The following CCDC178 variants were observed in gnomAD, a reference collection of about 807,000 sequenced individuals.
CCDC178 encodes the protein coiled-coil domain-containing protein 178.
Under a neutral mutation model 117.4 loss-of-function variants are expected in CCDC178, and 126 were observed. That is an observed-to-expected ratio of 1.07 (90% CI 0.93 to 1.24). The LOEUF (loss-of-function observed/expected upper bound fraction) is 1.24, where lower values mean the gene tolerates loss of function less well. Ranked by LOEUF, CCDC178 falls within the 50% of genes most tolerant of loss-of-function variation. The pLI, the probability that CCDC178 is intolerant of heterozygous loss-of-function variation, is 0.00. For missense variants in CCDC178, 1,030 were observed against 986.9 expected, an observed-to-expected ratio of 1.04 and a Z score of -0.59; for synonymous variants, 283 against 313.4, an observed-to-expected ratio of 0.90 and a Z score of 1.02.
chr18:33,119,899 G>C (rs1216746341), intron 20 of CCDC178, among the ~76,000 whole-genome samples: 5 of 152,064 alleles, frequency 3.3e-5, no homozygotes, highest in Non-Finnish European at 7.4e-5. Context: ...CGTGGATGAA[G>C]CTGGAAACCA....
At chr18:32,973,445 A>G (rs566056890) in intron 22 of CCDC178, among the ~76,000 whole-genome samples, 48 of 152,206 alleles carry the variant, frequency 3.2e-4, no homozygotes, top group African/African-American at 1.1e-3. Flanking sequence ...TTTGTACTCA[A>G]GTTTGTACAT....
At chr18:33,112,454 A>C (rs976264478) in intron 20 of CCDC178, among the ~76,000 whole-genome samples, 1 of 151,966 alleles carries the variant, frequency 6.6e-6, no homozygotes, top group African/African-American at 2.4e-5. Context: ...AGCCATATTT[A>C]AAAGATTTCG....
At chr18:32,956,006 T>C (rs543806497) in intron 22 of CCDC178, among the ~76,000 whole-genome samples, 48 of 152,346 alleles carry the variant, frequency 3.2e-4, no homozygotes, top group African/African-American at 1.1e-3. Flanking sequence ...AAAAGGTCTT[T>C]AGAAAAATTT....
At chr18:33,385,536 T>C (rs775344027) in intron 5 of CCDC178, among the ~76,000 whole-genome samples, 1 of 152,048 alleles carries the variant, frequency 6.6e-6, no homozygotes, top group Non-Finnish European at 1.5e-5. Flanking sequence ...TACAATCAAA[T>C]TAGAACTCAA....
At chr18:33,030,554 T>C (rs1305731294) in intron 21 of CCDC178, among the ~76,000 whole-genome samples, 1 of 151,648 alleles carries the variant, frequency 6.6e-6, no homozygotes, top group African/African-American at 2.4e-5. Flanking sequence ...GATAGATAGA[T>C]AGATAGATAG....
At chr18:32,944,026 C>G (rs1315210816) in intron 22 of CCDC178, among the ~76,000 whole-genome samples, 1 of 152,120 alleles carries the variant, frequency 6.6e-6, no homozygotes, top group African/African-American at 2.4e-5. Context: ...GTTCCCGGCA[C>G]AGTGGAAGAT....
chr18:33,424,148 T>C (rs1255021710), intron 2 of CCDC178, among the ~76,000 whole-genome samples: 2 of 152,216 alleles, frequency 1.3e-5, no homozygotes, highest in Admixed American at 1.3e-4. Flanking sequence ...ATAAAGATCA[T>C]ATTCACCTGT....
At chr18:33,285,065 T>G (rs889825476) in intron 12 of CCDC178, among the ~76,000 whole-genome samples, 3 of 152,012 alleles carry the variant, frequency 2.0e-5, no homozygotes, top group Non-Finnish European at 4.4e-5. Flanking sequence ...AGTTTGAAAA[T>G]TCTAAAATTA....
chr18:32,978,723 G>C (rs1304329936), intron 21 of CCDC178, among the ~76,000 whole-genome samples: 14 of 152,104 alleles, frequency 9.2e-5, no homozygotes, highest in Admixed American at 3.9e-4. Context: ...AAAAGCAGAA[G>C]GACAAAAGAT....
intron 22 of CCDC178, among the ~76,000 whole-genome samples, chr18:32,960,398 T>G (rs1425930565): frequency 1.3e-5 from 2 of 152,078 alleles, no homozygotes; most frequent in African/African-American, 4.8e-5. Flanking sequence ...AATTAGAGAC[T>G]AGATGGGGAA....
At chr18:33,320,552 T>C (rs2062492211) in intron 11 of CCDC178, among the ~76,000 whole-genome samples, 1 of 152,140 alleles carries the variant, frequency 6.6e-6, no homozygotes, top group Admixed American at 6.5e-5. Context: ...TGAAGGACTC[T>C]TCAAGGAGAA....
At chr18:32,979,539 C>T (rs1039576723) in intron 21 of CCDC178, among the ~76,000 whole-genome samples, 3 of 152,012 alleles carry the variant, frequency 2.0e-5, no homozygotes, top group African/African-American at 4.8e-5. Context: ...ATGAAAGGTA[C>T]TTAGGTTTAT....
chr18:32,976,895 T>C (rs2055038892), intron 21 of CCDC178, among the ~76,000 whole-genome samples: 1 of 152,160 alleles, frequency 6.6e-6, no homozygotes, highest in African/African-American at 2.4e-5. Context: ...CTAAATACAT[T>C]GTTTGCTGAG....
intron 20 of CCDC178, among the ~76,000 whole-genome samples, chr18:33,206,643 T>G (rs2059047923): frequency 2.0e-5 from 3 of 152,072 alleles, no homozygotes; most frequent in Admixed American, 6.6e-5. Context: ...TCAAAAGGAA[T>G]TAGTAAACAC....
intron 5 of CCDC178, among the ~76,000 whole-genome samples, chr18:33,385,674 G>C (rs1419103773): frequency 6.6e-6 from 1 of 152,092 alleles, no homozygotes; most frequent in Non-Finnish European, 1.5e-5. Flanking sequence ...TGAGAACAAA[G>C]CAACAATGTA....
chr18:33,030,245 TA>T (rs2056309169), intron 21 of CCDC178, among the ~76,000 whole-genome samples: 2 of 152,116 alleles, frequency 1.3e-5, no homozygotes, highest in African/African-American at 4.8e-5. Flanking sequence ...CTAGAACATT[TA>T]AAAATTTAGT....
In CCDC178 at chr18:33,267,264, T is replaced by C. The variant is rs745585167; in HGVS notation, c.1210A>G (p.Thr404Ala). 1 of 1,606,188 alleles carries C rather than the reference T, an allele frequency of 6.2e-7. No individual in the cohort carries two copies. The highest frequency in any genetic ancestry group is 8.5e-7 in the Non-Finnish European group (1 of 1,177,202). ...TTTTCATGACTTTTTTGCTTCCAGG[T>C]TAGTTGGTCATAAACTCTTCTCAAA... ...EDLRRVYDQLTWKQKSHENQY... is the reference protein window; with the variant it reads ...EDLRRVYDQLAWKQKSHENQY... The change falls in exon 13 of 23, where the codon ACC becomes GCC. Residue 404 changes from threonine to alanine, a missense_variant. Coordinates refer to ENST00000383096, the MANE Select transcript of CCDC178 (RefSeq NM_001105528.4).
At chr18:33,251,668 CTCTT>C (rs888676413) in intron 14 of CCDC178, among the ~76,000 whole-genome samples, 10 of 151,800 alleles carry the variant, frequency 6.6e-5, no homozygotes, top group South Asian at 4.1e-4. Flanking sequence ...AGATCATTCT[CTCTT>C]TCTAATACAA....
intron 21 of CCDC178, among the ~76,000 whole-genome samples, chr18:33,004,833 C>T (rs777575182): frequency 5.9e-5 from 9 of 152,036 alleles, no homozygotes; most frequent in Non-Finnish European, 1.3e-4. Context: ...CAAAAGAAGG[C>T]ATATGAATGG....
Sources: gnomAD v4.1 joint callset for allele counts (sites outside exome capture counted in the v4.1 genomes callset) on GRCh38, gnomAD v4.1.1 for gene constraint, MANE v1.5 for transcripts, NCBI Gene and HGNC (gene_info 2026-07-23, HGNC 2026-07-21) for gene names.